The following PPP6R3 variants were observed in gnomAD, a reference collection of about 807,000 sequenced individuals.
The protein encoded by PPP6R3 is protein phosphatase 6 regulatory subunit 3.
PPP6R3 carries 38 observed loss-of-function variants against 110.7 expected under a neutral mutation model. The observed-to-expected ratio is 0.34, with a 90% confidence interval of 0.26 to 0.45. The LOEUF (loss-of-function observed/expected upper bound fraction) is 0.45. PPP6R3 is among the 20% of genes least tolerant of loss of function. PPP6R3 has a pLI of 1.00. For synonymous variants in PPP6R3, 369 were observed against 373.5 expected, an observed-to-expected ratio of 0.99 and a Z score of 0.14; for missense variants, 870 against 1,062.4, an observed-to-expected ratio of 0.82 and a Z score of 2.52.
chr11:68,494,132 G>GT (rs11369177), intron 1 of PPP6R3, among the ~76,000 whole-genome samples: 147,711 of 147,716 alleles, frequency 1, 73,853 homozygotes, highest in Middle Eastern at 1. Context: ...AAATAAAAAA[G>GT]ATAATTAGAT....
At chr11:68,582,757 T>C (rs2099564838) in intron 14 of PPP6R3, among the ~76,000 whole-genome samples, 1 of 152,246 alleles carries the variant, frequency 6.6e-6, no homozygotes, top group South Asian at 2.1e-4. Context: ...ATTATCAAAA[T>C]CACTTAAATG....
At chr11:68,490,043 A>T (rs78027695) in intron 1 of PPP6R3, among the ~76,000 whole-genome samples, 7,134 of 152,166 alleles carry the variant, frequency 0.047, 607 homozygotes, top group African/African-American at 0.16. Flanking sequence ...ATTTTTTTTG[A>T]ATCTTCACTT....
At chr11:68,488,929 T>C (rs947140830) in intron 1 of PPP6R3, 1 of 152,178 alleles carries the variant, frequency 6.6e-6, no homozygotes, top group Non-Finnish European at 1.5e-5. Context: ...AATTGCTCTT[T>C]TAATAGGTGT....
intron 1 of PPP6R3, among the ~76,000 whole-genome samples, chr11:68,462,419 A>G (rs571834202): frequency 1.3e-5 from 2 of 152,320 alleles, no homozygotes; most frequent in Admixed American, 1.3e-4. Context: ...CATAATGTTT[A>G]AAGAGATGGT....
In PPP6R3 at chr11:68,613,166, C is replaced by T. The variant is rs199787312; in HGVS notation, c.*49C>T. ...CTGAGGACTGCAGACCGCCACCACT[C>T]AGGGGCTCTGGAGGGGTCAGCTGGA... On this transcript the variant is annotated 3_prime_UTR_variant, in exon 24 of 24. Transcript: ENST00000393800. The T allele has an allele frequency of 6.2e-7, 1 of 1,611,104 alleles. No individual in the cohort carries two copies. Among genetic ancestry groups the T allele is most frequent in the Non-Finnish European group, 8.5e-7 (1 of 1,178,870 alleles).
intron 2 of PPP6R3, among the ~76,000 whole-genome samples, chr11:68,534,250 A>G (rs1164656459): frequency 1.3e-5 from 2 of 152,172 alleles, no homozygotes; most frequent in Non-Finnish European, 2.9e-5. Context: ...GTGGGTGTTA[A>G]TGGGACTTTT....
chr11:68,548,074 A>C lies in PPP6R3; in HGVS notation c.422A>C (p.Asp141Ala), dbSNP rs1471701051. 9 of 1,613,338 alleles carry C rather than the reference A, an allele frequency of 5.6e-6. No individual in the cohort carries two copies. In the East Asian group the frequency reaches 1.6e-4, roughly 28 times the overall value. Reference protein sequence around the residue: ...LISRKPEQIVDFLKKKHDFVD... With the variant: ...LISRKPEQIVAFLKKKHDFVD... ...TGATCTGTTCTTCTCTAGATTGTGG[A>C]TTTCTTAAAGAAGAAGCATGATTTT... Residue 141 changes from aspartate to alanine, a missense_variant, in exon 5 of 24, where the codon GAT (aspartate) becomes GCT (alanine). Transcript: ENST00000393800.
intron 18 of PPP6R3, among the ~76,000 whole-genome samples, chr11:68,595,200 ATTTTTTTTTTTTT>A (rs71043443): frequency 0.33 from 27,524 of 84,028 alleles, 3,247 homozygotes; most frequent in Middle Eastern, 0.47. Flanking sequence ...CATAAAAATA[ATTTTTTTTTTTTT>A]TTTTTTTTTT....
intron 22 of PPP6R3, among the ~76,000 whole-genome samples, chr11:68,605,736 A>T (rs915205881): frequency 1.3e-5 from 2 of 152,226 alleles, no homozygotes; most frequent in African/African-American, 4.8e-5. Context: ...CCTTATATCA[A>T]TGAGAGATAG....
At chr11:68,465,162 G>A (rs1332879885) in intron 1 of PPP6R3, among the ~76,000 whole-genome samples, 1 of 152,312 alleles carries the variant, frequency 6.6e-6, no homozygotes, top group Admixed American at 6.5e-5. Context: ...GATTACAGGC[G>A]TGAGCCACCA....
intron 1 of PPP6R3, among the ~76,000 whole-genome samples, chr11:68,493,597 T>TA (rs1210526539): frequency 0.042 from 4,742 of 111,960 alleles, 168 homozygotes; most frequent in African/African-American, 0.11. Context: ...ATGCTTGGGG[T>TA]AAAAAAAAAA....
intron 1 of PPP6R3, among the ~76,000 whole-genome samples, chr11:68,472,322 T>G (rs150347612): frequency 9.7e-4 from 148 of 152,368 alleles, no homozygotes; most frequent in African/African-American, 3.4e-3. Context: ...CATTGCAGAC[T>G]GAATATGTCT....
chr11:68,585,227 T>C (rs759335638), intron 15 of PPP6R3, among the ~76,000 whole-genome samples: 6 of 152,186 alleles, frequency 3.9e-5, no homozygotes, highest in Non-Finnish European at 7.4e-5. Context: ...TTCTGCCTTA[T>C]AGAGTTTGGA....
chr11:68,606,166 A>G (rs1199303029), intron 22 of PPP6R3, among the ~76,000 whole-genome samples: 1 of 152,214 alleles, frequency 6.6e-6, no homozygotes, highest in Non-Finnish European at 1.5e-5. Flanking sequence ...TTTAATCTCC[A>G]TATATGGTGT....
In PPP6R3 at chr11:68,537,849, T is replaced by C. The variant is rs185389603; in HGVS notation, c.185T>C (p.Ile62Thr). ...ECLEDLVSFI[I>T]EEPPQDMDEK... ...CTCGAAGATTTAGTCTCATTCATTA[T>C]AGAAGAACCACCTCAAGACATGGAT... The change falls in exon 3 of 24, where the codon ATA (isoleucine) becomes ACA (threonine). Residue 62 changes from isoleucine (I) to threonine (T), a missense_variant. By Grantham distance (89) the Ile-to-Thr change is moderately conservative (BLOSUM62 -1). Coordinates refer to ENST00000393800, the MANE Select transcript of PPP6R3 (RefSeq NM_001164161.2). 4.7e-5 allele frequency: 76 copies of C among 1,613,800 alleles called. No homozygotes were observed. In the Admixed American group the frequency reaches 1.2e-3, roughly 26 times the overall value.
At chr11:68,481,217 G>A (rs973667669) in intron 1 of PPP6R3, among the ~76,000 whole-genome samples, 14 of 152,198 alleles carry the variant, frequency 9.2e-5, no homozygotes, top group African/African-American at 3.1e-4. Context: ...AACAAGAGCC[G>A]TGGAGGGACA....
At chr11:68,585,060 C>T (rs1566016896) in intron 15 of PPP6R3, among the ~76,000 whole-genome samples, 1 of 152,172 alleles carries the variant, frequency 6.6e-6, no homozygotes, top group Non-Finnish European at 1.5e-5. Flanking sequence ...GATAAAGTCC[C>T]CGAATGTAGA....
chr11:68,497,860 G>A (rs1002179024), intron 1 of PPP6R3, among the ~76,000 whole-genome samples: 1 of 151,956 alleles, frequency 6.6e-6, no homozygotes, highest in Non-Finnish European at 1.5e-5. Context: ...TAACTCCTGT[G>A]TTTTTTTCTG....
At chr11:68,587,723 A>G (rs1455637818) in intron 15 of PPP6R3, 5 of 645,264 alleles carry the variant, frequency 7.7e-6, no homozygotes, top group Non-Finnish European at 1.4e-5. Flanking sequence ...GTGCATTAGA[A>G]TGATTTGTAG....
Sources: gnomAD v4.1 joint callset for allele counts (sites outside exome capture counted in the v4.1 genomes callset) on GRCh38, gnomAD v4.1.1 for gene constraint, MANE v1.5 for transcripts, NCBI Gene and HGNC (gene_info 2026-07-23, HGNC 2026-07-21) for gene names.